Variants in SHC4 observed in about 807,000 individuals in gnomAD.
SHC4 encodes SHC-transforming protein 4.
SHC4 carries 41 observed loss-of-function variants against 69.4 expected under a neutral mutation model. The ratio of observed to expected loss-of-function variants is 0.59; its 90% CI spans 0.46 to 0.77. SHC4 has a LOEUF of 0.77. SHC4 is among the 30% of genes least tolerant of loss of function. SHC4 has a pLI of 0.00. For synonymous variants in SHC4, 318 were observed against 299.3 expected (o/e 1.06, Z -0.64); for missense variants, 777 against 783.8 (o/e 0.99, Z 0.10).
chr15:48,942,128 G>A (rs1232920410), intron 1 of SHC4, among the ~76,000 whole-genome samples: 1 of 151,908 alleles, frequency 6.6e-6, no homozygotes, highest in Non-Finnish European at 1.5e-5. Context: ...TACATCACAG[G>A]GTCATCATGA....
At chr15:48,908,010 G>A (rs1025212339) in intron 2 of SHC4, among the ~76,000 whole-genome samples, 2 of 152,104 alleles carry the variant, frequency 1.3e-5, no homozygotes, top group Admixed American at 6.5e-5. Context: ...GTAGATAGAA[G>A]GGAAAGTTGA....
chr15:48,863,438 G>A (rs1376372514), intron 6 of SHC4, among the ~76,000 whole-genome samples: 1 of 151,020 alleles, frequency 6.6e-6, no homozygotes, highest in Non-Finnish European at 1.5e-5. Context: ...CTGCATCATA[G>A]TACATTCTAT....
intron 2 of SHC4, among the ~76,000 whole-genome samples, chr15:48,897,508 CCACACACACA>C (rs57034071): frequency 1.4e-5 from 2 of 142,936 alleles, no homozygotes; most frequent in Admixed American, 7.0e-5. Context: ...AGCAATGTCG[CCACACACACA>C]CACACACACA....
At chr15:48,891,557 A>G (rs1285430930) in intron 2 of SHC4, among the ~76,000 whole-genome samples, 2 of 152,230 alleles carry the variant, frequency 1.3e-5, no homozygotes, top group Non-Finnish European at 2.9e-5. Flanking sequence ...CTGAGCATTC[A>G]TAACTGCCCA....
intron 1 of SHC4, among the ~76,000 whole-genome samples, chr15:48,961,042 G>C (rs887376392): frequency 6.6e-6 from 1 of 152,048 alleles, no homozygotes; most frequent in African/African-American, 2.4e-5. Context: ...GGGTTGTTGA[G>C]GCTTCTCTCA....
intron 2 of SHC4, 21 bp from the exon 3 acceptor site, chr15:48,890,832 A>C (rs1900123517): frequency 1.2e-6 from 2 of 1,613,620 alleles, no homozygotes; most frequent in Admixed American, 3.3e-5. Flanking sequence ...GAAACCATAT[A>C]AATAAAGACT....
intron 9 of SHC4, among the ~76,000 whole-genome samples, chr15:48,850,234 TAAAC>T (rs1043718073): frequency 2.8e-5 from 3 of 106,060 alleles, no homozygotes; most frequent in African/African-American, 1.1e-4. Flanking sequence ...AATAAATAAA[TAAAC>T]TAAACTAAAC....
chr15:48,928,174 C>T (rs539597953), intron 1 of SHC4, among the ~76,000 whole-genome samples: 1 of 151,830 alleles, frequency 6.6e-6, no homozygotes, highest in Admixed American at 6.6e-5. Flanking sequence ...GCCAGAACAA[C>T]GTCTTTGCAA....
At chr15:48,884,786 G>T (rs1900005165) in intron 3 of SHC4, among the ~76,000 whole-genome samples, 1 of 152,144 alleles carries the variant, frequency 6.6e-6, no homozygotes, top group Admixed American at 6.5e-5. Flanking sequence ...TTACGTAACT[G>T]CTTCCTTCTC....
chr15:48,942,588 G>T (rs754055320), intron 1 of SHC4, among the ~76,000 whole-genome samples: 10 of 151,756 alleles, frequency 6.6e-5, no homozygotes, highest in Non-Finnish European at 1.5e-4. Flanking sequence ...ATTAATTATT[G>T]GTTATTATTA....
At chr15:48,934,920 T>C (rs1460301527) in intron 1 of SHC4, among the ~76,000 whole-genome samples, 1 of 152,206 alleles carries the variant, frequency 6.6e-6, no homozygotes, top group Non-Finnish European at 1.5e-5. Flanking sequence ...AGTAGGGCTA[T>C]GTGGTTTTTG....
intron 4 of SHC4, chr15:48,876,506 T>G: frequency 1.8e-6 from 1 of 559,428 alleles, no homozygotes; most frequent in East Asian, 2.9e-5. Flanking sequence ...CACATATATA[T>G]GTATATATAT....
chr15:48,904,946 C>T (rs1007154740), intron 2 of SHC4, among the ~76,000 whole-genome samples: 2 of 142,592 alleles, frequency 1.4e-5, no homozygotes, highest in Non-Finnish European at 3.2e-5. Context: ...ACACAACACA[C>T]ACACACACAC....
rs756899942 is a variant in SHC4, at chr15:48,824,856, A to G, written c.*1115T>C. 1.3e-4 allele frequency: 20 copies of G among 152,548 alleles called. No homozygotes were observed. The highest frequency in any genetic ancestry group is 2.6e-4 in the Non-Finnish European group (18 of 68,008). The allele number at this position is 152,548 out of a possible 1,614,324, so 9.4% of individuals were successfully genotyped here. A position where few individuals can be genotyped will look rare whatever the true frequency, so the allele number is the denominator to read the frequency against. On this transcript the variant is annotated 3_prime_UTR_variant, in exon 12 of 12. Coordinates refer to ENST00000332408, the MANE Select transcript of SHC4 (RefSeq NM_203349.4). ...TCAGCGTAATGCTTTTCTGTACACC[A>G]TGCTTAATCACTCTGTTAGTTTACC... is the stretch of plus-strand genomic sequence containing the variant.
chr15:48,903,991 T>C lies in SHC4; in HGVS notation c.657-13180A>G, dbSNP rs143923038. Among the ~76,000 whole-genome samples, 135 of 152,166 alleles carry C rather than the reference T, an allele frequency of 8.9e-4. 2 individuals are homozygous for C. In the Middle Eastern group the frequency reaches 0.021, roughly 23 times the overall value. ...AGTTTGAGAACTACTATCTCACACA[T>C]TTTTTTTCTCCTTAGAAATCACAAA... is the stretch of plus-strand genomic sequence containing the variant. On this transcript the variant is annotated intron_variant, in intron 2 of 11. Coordinates refer to ENST00000332408, the MANE Select transcript of SHC4 (RefSeq NM_203349.4).
In SHC4 at chr15:48,863,514, A is replaced by G. The variant is rs1899490486; in HGVS notation, c.946+4304T>C. Among the ~76,000 whole-genome samples the G allele has an allele frequency of 3.3e-5, 5 of 152,336 alleles. No homozygotes were observed. In the South Asian group the frequency reaches 1.0e-3, roughly 32 times the overall value. ...CTTATGATATAAATAATATACAAAAATGATCTATATTGCTTAATCTTTGTA... is the reference window on the plus strand; with the variant it reads ...CTTATGATATAAATAATATACAAAAGTGATCTATATTGCTTAATCTTTGTA... On this transcript the variant is annotated intron_variant, in intron 6 of 11. Coordinates refer to ENST00000332408, the MANE Select transcript of SHC4 (RefSeq NM_203349.4).
At chr15:48,857,617 C>T (rs1272592312) in intron 7 of SHC4, 75 bp downstream of exon 7, 157 of 1,291,316 alleles carry the variant, frequency 1.2e-4, no homozygotes, top group Non-Finnish European at 7.1e-6. Context: ...TATATATACA[C>T]ACACAAATAA....
chr15:48,962,382 G>T, intron 1 of SHC4, 49 bp downstream of exon 1: 1 of 1,496,894 alleles, frequency 6.7e-7, no homozygotes, highest in Admixed American at 2.3e-5. Flanking sequence ...CAGAGAAGAT[G>T]CCCCCTTCCA....
chr15:48,859,108 T>C (rs989758107), intron 6 of SHC4, among the ~76,000 whole-genome samples: 1 of 152,162 alleles, frequency 6.6e-6, no homozygotes, highest in African/African-American at 2.4e-5. Context: ...TTGGAAAAAA[T>C]TCATATTTAT....
Sources: gnomAD v4.1 joint callset for allele counts (sites outside exome capture counted in the v4.1 genomes callset) on GRCh38, gnomAD v4.1.1 for gene constraint, MANE v1.5 for transcripts, NCBI Gene and HGNC (gene_info 2026-07-23, HGNC 2026-07-21) for gene names.